MAF: variants seen among roughly 807,000 people sequenced by gnomAD.
MAF encodes transcription factor Maf.
In MAF, 10 loss-of-function variants were observed where a neutral mutation model predicts 22.0. That is an observed-to-expected ratio of 0.45 (90% CI 0.28 to 0.77). The LOEUF is 0.77. Among genes scored for constraint, MAF ranks in the 30% least tolerant of loss-of-function variants. The pLI, the probability that MAF is intolerant of heterozygous loss-of-function variation, is 0.12. For synonymous variants in MAF, 337 were observed against 255.8 expected (o/e 1.32, Z -3.03); for missense variants, 544 against 548.4 (o/e 0.99, Z 0.08).
chr16:79,323,186 A>AAAAAAAG, the MAF span, among the ~76,000 whole-genome samples: 1 of 135,732 alleles, frequency 7.4e-6, no homozygotes, highest in Non-Finnish European at 1.6e-5. Context: ...AAAAAAAAAA[A>AAAAAAAG]GGCAAATGGG....
chr16:79,221,622 T>C, the MAF span, among the ~76,000 whole-genome samples: 1 of 152,188 alleles, frequency 6.6e-6, no homozygotes. Context: ...TAGCAGTTAA[T>C]CCTAAAACAA....
At chr16:79,349,369 G>T in the MAF span, among the ~76,000 whole-genome samples, 1 of 152,202 alleles carries the variant, frequency 6.6e-6, no homozygotes, top group Non-Finnish European at 1.5e-5. Flanking sequence ...CTTTCTATTT[G>T]TGGAGGACCC....
chr16:79,234,466 TG>T, the MAF span, among the ~76,000 whole-genome samples: 2 of 152,152 alleles, frequency 1.3e-5, no homozygotes, highest in East Asian at 3.8e-4. Flanking sequence ...AGCAAATAGT[TG>T]TAAAATAGTG....
chr16:79,556,303 G>C, the MAF span, among the ~76,000 whole-genome samples: 2 of 152,018 alleles, frequency 1.3e-5, no homozygotes, highest in Non-Finnish European at 2.9e-5. Context: ...ATTTCCCTTT[G>C]AATACCCAGT....
At chr16:79,572,152 G>T in the MAF span, among the ~76,000 whole-genome samples, 1 of 152,094 alleles carries the variant, frequency 6.6e-6, no homozygotes, top group Non-Finnish European at 1.5e-5. Context: ...CAATTTGCTG[G>T]AGTCAAAGAA....
At chr16:79,444,626 A>G in the MAF span, among the ~76,000 whole-genome samples, 1 of 152,230 alleles carries the variant, frequency 6.6e-6, no homozygotes, top group South Asian at 2.1e-4. Flanking sequence ...GGCCAGTTTT[A>G]GCATCAGCAT....
At chr16:79,368,763 C>T in the MAF span, among the ~76,000 whole-genome samples, 1 of 152,128 alleles carries the variant, frequency 6.6e-6, no homozygotes, top group South Asian at 2.1e-4. Flanking sequence ...AATGCTCTTC[C>T]CTCTGATATC....
the MAF span, among the ~76,000 whole-genome samples, chr16:79,568,258 C>G: frequency 6.6e-6 from 1 of 152,170 alleles, no homozygotes; most frequent in Non-Finnish European, 1.5e-5. Context: ...GGATGGGTGT[C>G]TGTGGATGGC....
chr16:79,485,603 G>C, the MAF span, among the ~76,000 whole-genome samples: 2 of 152,074 alleles, frequency 1.3e-5, no homozygotes, highest in Non-Finnish European at 2.9e-5. Context: ...GACAATCTGA[G>C]ACAACAAAAG....
the MAF span, among the ~76,000 whole-genome samples, chr16:79,506,376 A>G: frequency 6.6e-6 from 1 of 152,120 alleles, no homozygotes; most frequent in Non-Finnish European, 1.5e-5. Context: ...CAGGGTTTGA[A>G]CAGAGAGTGG....
At chr16:79,581,714 C>A (rs192522203), downstream of MAF, among the ~76,000 whole-genome samples, 28 of 152,326 alleles carry the variant, frequency 1.8e-4, no homozygotes, top group Non-Finnish European at 3.1e-4. Context: ...AGGGAAAACA[C>A]AATCCTACCG....
chr16:79,403,060 T>C, the MAF span, among the ~76,000 whole-genome samples: 1 of 152,180 alleles, frequency 6.6e-6, no homozygotes, highest in Non-Finnish European at 1.5e-5. Flanking sequence ...TTTCAGCTCT[T>C]TGATGTGGCA....
At position 79,599,151 on chromosome 16, in the gene MAF, G is replaced by C; in HGVS notation, c.752C>G (p.Ala251Gly). The change falls in exon 1 of 2, where the codon GCC becomes GGC. Residue 251 changes from alanine to glycine, a missense_variant. By Grantham distance (60) the Ala-to-Gly change is moderately conservative. Around this residue, in one of 5 missense-constraint regions of MAF, gnomAD observed 342 missense variants for 315.5 expected, o/e 1.08. Transcript: ENST00000326043. ...GTCGTCGAAGTGCAGGCCGCCGGCG[G>C]CGTGGTGCGGGTGCAGGGCGCCCCC... ...GAGGALHPHH[A>G]AGGLHFDDRF... The C allele has an allele frequency of 1.3e-6, 2 of 1,549,454 alleles. No individual in the cohort carries two copies. The highest frequency in any genetic ancestry group is 1.7e-6 in the Non-Finnish European group (2 of 1,153,880).
chr16:79,421,741 T>G, the MAF span, among the ~76,000 whole-genome samples: 3 of 151,512 alleles, frequency 2.0e-5, no homozygotes, highest in Admixed American at 1.3e-4. Flanking sequence ...GGCTCAAGCA[T>G]CCTCCTGTCT....
chr16:79,514,287 T>G, the MAF span, among the ~76,000 whole-genome samples: 4 of 152,226 alleles, frequency 2.6e-5, no homozygotes. Flanking sequence ...ATCATTCAAA[T>G]GTGTAGCAGA....
chr16:79,368,581 G>C, the MAF span, among the ~76,000 whole-genome samples: 15 of 152,120 alleles, frequency 9.9e-5, no homozygotes, highest in Non-Finnish European at 1.5e-4. Context: ...CTTTCTCAGA[G>C]TAAATGTTGA....
chr16:79,248,424 A>G, the MAF span, among the ~76,000 whole-genome samples: 1 of 152,188 alleles, frequency 6.6e-6, no homozygotes, highest in East Asian at 1.9e-4. Flanking sequence ...TTTTACAAGT[A>G]TTTTTAATAG....
downstream of MAF, among the ~76,000 whole-genome samples, chr16:79,590,974 A>T (rs1913158496): frequency 6.6e-6 from 1 of 152,120 alleles, no homozygotes; most frequent in Non-Finnish European, 1.5e-5. Context: ...AACCAGGGCA[A>T]CTATAGGTTG....
chr16:79,325,174 A>G, the MAF span, among the ~76,000 whole-genome samples: 5 of 152,166 alleles, frequency 3.3e-5, no homozygotes, highest in African/African-American at 1.2e-4. Flanking sequence ...TCTGGGCAAC[A>G]TGTCTTTTCT....
Sources: gnomAD v4.1 joint callset for allele counts (sites outside exome capture counted in the v4.1 genomes callset) on GRCh38, gnomAD v4.1.1 for gene constraint, gnomAD v4.1.1 regional missense constraint, MANE v1.5 for transcripts, NCBI Gene and HGNC (gene_info 2026-07-23, HGNC 2026-07-21) for gene names.